PTPRM: variants seen among roughly 807,000 people sequenced by gnomAD.
The protein encoded by PTPRM is protein tyrosine phosphatase receptor type M.
A neutral mutation model predicts 186.7 loss-of-function variants in PTPRM; 47 were observed. The ratio of observed to expected loss-of-function variants is 0.25; its 90% CI spans 0.20 to 0.32. The LOEUF is 0.32. Ranked by LOEUF, PTPRM falls within the 10% of genes least tolerant of loss-of-function variation. The pLI, the probability that PTPRM is intolerant of heterozygous loss-of-function variation, is 1.00. For missense variants in PTPRM, 1,494 were observed against 1,865.0 expected (o/e 0.80, Z 3.66); for synonymous variants, 668 against 674.9 (o/e 0.99, Z 0.16).
intron 1 of PTPRM, among the ~76,000 whole-genome samples, chr18:7,675,937 G>C (rs990966201): frequency 6.6e-6 from 1 of 152,046 alleles, no homozygotes; most frequent in East Asian, 1.9e-4. Flanking sequence ...AAGTTTCACT[G>C]TGTTGGCCAG....
chr18:8,340,189 G>A (rs1411600221), intron 22 of PTPRM, among the ~76,000 whole-genome samples: 10 of 152,296 alleles, frequency 6.6e-5, no homozygotes, highest in African/African-American at 1.4e-4. Flanking sequence ...GCAGGAGAGC[G>A]GAGACAGGAG....
chr18:7,606,621 A>C (rs780548631), intron 1 of PTPRM, among the ~76,000 whole-genome samples: 2 of 152,096 alleles, frequency 1.3e-5, no homozygotes, highest in Non-Finnish European at 2.9e-5. Context: ...CATTAGATAG[A>C]GCGTGATGGT....
At chr18:8,071,247 C>T (rs1305155772) in intron 8 of PTPRM, among the ~76,000 whole-genome samples, 1 of 152,198 alleles carries the variant, frequency 6.6e-6, no homozygotes, top group Non-Finnish European at 1.5e-5. Flanking sequence ...TCCACATTGT[C>T]ATCAAGTTAT....
intron 14 of PTPRM, among the ~76,000 whole-genome samples, chr18:8,159,642 A>G (rs1231686378): frequency 6.6e-6 from 1 of 152,208 alleles, no homozygotes; most frequent in Non-Finnish European, 1.5e-5. Flanking sequence ...CCCTCCCGAC[A>G]GTGCCGACAG....
At chr18:8,399,142 T>C (rs1213254815) in intron 32 of PTPRM, among the ~76,000 whole-genome samples, 2 of 152,216 alleles carry the variant, frequency 1.3e-5, no homozygotes, top group Non-Finnish European at 2.9e-5. Context: ...CAGAGGAGGC[T>C]GCTTTATAGG....
At chr18:7,866,311 C>T (rs2047691484) in intron 2 of PTPRM, among the ~76,000 whole-genome samples, 1 of 152,144 alleles carries the variant, frequency 6.6e-6, no homozygotes, top group Non-Finnish European at 1.5e-5. Context: ...CCTGCTTTCT[C>T]TTGTGGGCAT....
At chr18:8,267,559 T>C (rs2094717045) in intron 19 of PTPRM, among the ~76,000 whole-genome samples, 1 of 152,188 alleles carries the variant, frequency 6.6e-6, no homozygotes, top group African/African-American at 2.4e-5. Flanking sequence ...TAATATTATA[T>C]CCCAAATGTT....
At chr18:7,952,200 G>A (rs902631705) in intron 6 of PTPRM, among the ~76,000 whole-genome samples, 2 of 152,208 alleles carry the variant, frequency 1.3e-5, no homozygotes, top group Non-Finnish European at 2.9e-5. Flanking sequence ...GCATTTACAT[G>A]TGCGTATCCA....
intron 19 of PTPRM, among the ~76,000 whole-genome samples, chr18:8,289,551 C>CATATATATACACATATATATATATACAT (rs751129756): frequency 0.014 from 1,105 of 77,578 alleles, 21 homozygotes; most frequent in Non-Finnish European, 0.021. Flanking sequence ...TATATATATA[C>CATATATATACACATATATATATATACAT]ATATATATAC....
intron 1 of PTPRM, among the ~76,000 whole-genome samples, chr18:7,702,302 CA>C: frequency 6.6e-6 from 1 of 152,312 alleles, no homozygotes; most frequent in South Asian, 2.1e-4. Context: ...TTTACACTCC[CA>C]CCAACAGTGT....
At chr18:8,162,452 A>G (rs17476745) in intron 14 of PTPRM, among the ~76,000 whole-genome samples, 24,481 of 152,162 alleles carry the variant, frequency 0.16, 2,046 homozygotes, top group Middle Eastern at 0.26. Context: ...CTGGACTTTG[A>G]AAACAACTCC....
intron 13 of PTPRM, among the ~76,000 whole-genome samples, chr18:8,133,365 T>C (rs1464326064): frequency 6.6e-6 from 1 of 152,194 alleles, no homozygotes; most frequent in Non-Finnish European, 1.5e-5. Flanking sequence ...ATCTTCCTTC[T>C]TTCTTAGCAT....
intron 5 of PTPRM, among the ~76,000 whole-genome samples, chr18:7,935,509 T>C (rs1356365116): frequency 6.6e-6 from 1 of 152,184 alleles, no homozygotes; most frequent in African/African-American, 2.4e-5. Flanking sequence ...TAATTTTTCC[T>C]TTGTGATATT....
chr18:8,142,267 A>T (rs988241011), intron 13 of PTPRM, among the ~76,000 whole-genome samples: 1 of 152,120 alleles, frequency 6.6e-6, no homozygotes, highest in Non-Finnish European at 1.5e-5. Context: ...TGCGGCTCTC[A>T]AATGATTGGA....
At chr18:7,744,924 A>C (rs2040954218) in intron 1 of PTPRM, among the ~76,000 whole-genome samples, 1 of 152,192 alleles carries the variant, frequency 6.6e-6, no homozygotes, top group South Asian at 2.1e-4. Context: ...ACTAGCCCTG[A>C]ACCCCAGCAT....
intron 7 of PTPRM, among the ~76,000 whole-genome samples, chr18:8,047,198 G>A (rs2087124133): frequency 6.6e-6 from 1 of 152,076 alleles, no homozygotes; most frequent in Non-Finnish European, 1.5e-5. Context: ...TGGAACACTA[G>A]ATGGCAAATG....
chr18:7,640,956 T>C (rs1410047523), intron 1 of PTPRM, among the ~76,000 whole-genome samples: 1 of 152,158 alleles, frequency 6.6e-6, no homozygotes, highest in African/African-American at 2.4e-5. Context: ...AAATGCATTG[T>C]TGGTGACATG....
intron 14 of PTPRM, among the ~76,000 whole-genome samples, chr18:8,153,230 T>A (rs915055845): frequency 6.6e-6 from 1 of 152,224 alleles, no homozygotes; most frequent in Non-Finnish European, 1.5e-5. Context: ...ATCTGGCAAG[T>A]TCTCTGTGAG....
At chr18:8,289,864 G>A (rs1298711914) in intron 19 of PTPRM, among the ~76,000 whole-genome samples, 1 of 151,962 alleles carries the variant, frequency 6.6e-6, no homozygotes, top group Non-Finnish European at 1.5e-5. Flanking sequence ...TTTAGATTTC[G>A]GTTTGTTTAG....
Sources: allele counts gnomAD v4.1 joint callset (sites outside exome capture counted in the v4.1 genomes callset), GRCh38; gene constraint gnomAD v4.1.1; transcripts MANE v1.5; gene names NCBI Gene and HGNC (gene_info 2026-07-23, HGNC 2026-07-21).